The following DAP variants were observed in gnomAD, a reference collection of about 807,000 sequenced individuals.
DAP encodes the protein death associated protein.
Under a neutral mutation model 13.8 loss-of-function variants are expected in DAP, and 8 were observed. The observed-to-expected ratio is 0.58, with a 90% CI of 0.34 to 1.05. DAP has a LOEUF of 1.05. DAP is among the 50% of genes least tolerant of loss of function. The pLI, the probability that DAP is intolerant of heterozygous loss-of-function variation, is 0.03. For missense variants in DAP, 106 were observed against 133.2 expected (o/e 0.80, Z 1.01); for synonymous variants, 47 against 47.5 (o/e 0.99, Z 0.04).
At chr5:10,705,896 G>A (rs1171596715) in intron 2 of DAP, among the ~76,000 whole-genome samples, 1 of 152,208 alleles carries the variant, frequency 6.6e-6, no homozygotes, top group African/African-American at 2.4e-5. Flanking sequence ...CATAAAAAAA[G>A]TGACATTCCT....
chr5:10,705,297 G>A (rs1234745131), intron 2 of DAP, among the ~76,000 whole-genome samples: 1 of 152,222 alleles, frequency 6.6e-6, no homozygotes, highest in Non-Finnish European at 1.5e-5. Context: ...TTATGTAGAG[G>A]TGAAGGTGGT....
chr5:10,757,507 C>T (rs1323766437), intron 1 of DAP, among the ~76,000 whole-genome samples: 1 of 152,164 alleles, frequency 6.6e-6, no homozygotes, highest in East Asian at 1.9e-4. Flanking sequence ...CTCCTGAGCT[C>T]AGGTGCTCTC....
intron 2 of DAP, among the ~76,000 whole-genome samples, chr5:10,746,444 C>T (rs1739908695): frequency 6.6e-6 from 1 of 151,922 alleles, no homozygotes; most frequent in Non-Finnish European, 1.5e-5. Flanking sequence ...GTTCTCCTGC[C>T]TCAGCCTCCT....
At chr5:10,695,269 C>T (rs879798040) in intron 2 of DAP, among the ~76,000 whole-genome samples, 1 of 152,202 alleles carries the variant, frequency 6.6e-6, no homozygotes, top group Non-Finnish European at 1.5e-5. Flanking sequence ...GCGAACGCTC[C>T]GGCCAGCTCA....
intron 2 of DAP, among the ~76,000 whole-genome samples, chr5:10,688,272 C>T (rs188391413): frequency 2.0e-5 from 3 of 152,096 alleles, no homozygotes; most frequent in African/African-American, 7.2e-5. Context: ...AACCACCACC[C>T]CAATCAGTCA....
At chr5:10,686,091 T>C (rs7736848) in intron 2 of DAP, among the ~76,000 whole-genome samples, 1,961 of 152,322 alleles carry the variant, frequency 0.013, 40 homozygotes, top group African/African-American at 0.044. Context: ...TCTGTGGTCA[T>C]TGATCTTTGA....
chr5:10,736,674 C>G (rs1198698111), intron 2 of DAP, among the ~76,000 whole-genome samples: 1 of 152,246 alleles, frequency 6.6e-6, no homozygotes, highest in Non-Finnish European at 1.5e-5. Context: ...TGCCTACAAA[C>G]TTGGTCTCTG....
At position 10,697,529 on chromosome 5, in the gene DAP, CTATT is replaced by C. The variant is rs1296132093; in HGVS notation, c.153-13962_153-13959del. On this transcript the variant is annotated intron_variant, in intron 2 of 3. Transcript: ENST00000230895. ...TTAGACAGGTGCTTTAAAAATCACT[CTATT>C]TATTGTCTATATTTTGAAATGCAAT... is the stretch of plus-strand genomic sequence containing the variant. Among the ~76,000 whole-genome samples the C allele has an allele frequency of 2.0e-5, 3 of 152,136 alleles. No homozygotes were observed. In the East Asian group the frequency reaches 5.8e-4, roughly 29 times the overall value.
intron 2 of DAP, among the ~76,000 whole-genome samples, chr5:10,729,939 G>T (rs1579809341): frequency 6.6e-6 from 1 of 152,348 alleles, no homozygotes; most frequent in Admixed American, 6.5e-5. Context: ...AGCTACCCTA[G>T]CATCTGTCTT....
At chr5:10,745,773 A>G (rs1739885920) in intron 2 of DAP, among the ~76,000 whole-genome samples, 1 of 152,224 alleles carries the variant, frequency 6.6e-6, no homozygotes, top group Admixed American at 6.5e-5. Flanking sequence ...GCAGTGTTTC[A>G]TTAACTTTCC....
intron 2 of DAP, among the ~76,000 whole-genome samples, chr5:10,697,292 G>A (rs1217799261): frequency 6.6e-6 from 1 of 152,160 alleles, no homozygotes; most frequent in Non-Finnish European, 1.5e-5. Flanking sequence ...AGACAGATGC[G>A]CGGCTGTCCA....
At chr5:10,742,816 G>A (rs767530894) in intron 2 of DAP, among the ~76,000 whole-genome samples, 13 of 152,140 alleles carry the variant, frequency 8.5e-5, no homozygotes, top group East Asian at 1.9e-4. Context: ...CTGCATGGGC[G>A]TCAGTTCTTT....
At chr5:10,753,792 G>T (rs1331899949) in intron 1 of DAP, among the ~76,000 whole-genome samples, 1 of 152,218 alleles carries the variant, frequency 6.6e-6, no homozygotes, top group African/African-American at 2.4e-5. Flanking sequence ...AGGTACTGGA[G>T]TATGACTCAC....
At chr5:10,725,971 A>T (rs1161407369) in intron 2 of DAP, among the ~76,000 whole-genome samples, 1 of 152,236 alleles carries the variant, frequency 6.6e-6, no homozygotes, top group Non-Finnish European at 1.5e-5. Flanking sequence ...ATTTGCTGTT[A>T]TTTGGCTATT....
chr5:10,736,844 A>C (rs1739624348), intron 2 of DAP, among the ~76,000 whole-genome samples: 1 of 152,184 alleles, frequency 6.6e-6, no homozygotes, highest in South Asian at 2.1e-4. Flanking sequence ...CCTTCCTTAC[A>C]GCTTCTCCCT....
chr5:10,753,101 C>A (rs1382338096), intron 1 of DAP, among the ~76,000 whole-genome samples: 1 of 152,182 alleles, frequency 6.6e-6, no homozygotes, highest in African/African-American at 2.4e-5. Flanking sequence ...ATTACATCAC[C>A]ACCTGAGGAA....
At chr5:10,739,486 T>C (rs1215850016) in intron 2 of DAP, among the ~76,000 whole-genome samples, 1 of 152,056 alleles carries the variant, frequency 6.6e-6, no homozygotes, top group East Asian at 1.9e-4. Flanking sequence ...GAGGCAAATA[T>C]TATGATTCCC....
At chr5:10,708,359 C>T (rs1407659278) in intron 2 of DAP, among the ~76,000 whole-genome samples, 1 of 149,500 alleles carries the variant, frequency 6.7e-6, no homozygotes, top group African/African-American at 2.6e-5. Context: ...CACACAGACG[C>T]ACATACACAC....
chr5:10,715,798 A>G (rs1017165723), intron 2 of DAP, among the ~76,000 whole-genome samples: 2 of 152,198 alleles, frequency 1.3e-5, no homozygotes, highest in African/African-American at 4.8e-5. Flanking sequence ...TGGCCCTGGG[A>G]ACTCACCATG....
Sources: allele counts gnomAD v4.1 joint callset (sites outside exome capture counted in the v4.1 genomes callset), GRCh38; gene constraint gnomAD v4.1.1; transcripts MANE v1.5; gene names NCBI Gene and HGNC (gene_info 2026-07-23, HGNC 2026-07-21).